Variants in DYNC2LI1 observed in about 807,000 individuals in gnomAD.
DYNC2LI1 encodes cytoplasmic dynein 2 light intermediate chain 1.
DYNC2LI1 carries 45 observed loss-of-function variants against 51.9 expected under a neutral mutation model. The ratio of observed to expected loss-of-function variants is 0.87; its 90% confidence interval spans 0.68 to 1.11. The LOEUF (loss-of-function observed/expected upper bound fraction) is 1.11. Among genes scored for constraint, DYNC2LI1 ranks in the 50% most tolerant of loss-of-function variants. The pLI, the probability that DYNC2LI1 is intolerant of heterozygous loss-of-function variation, is 0.00. For missense variants in DYNC2LI1, 490 were observed against 417.4 expected, an observed-to-expected ratio of 1.17 and a Z score of -1.51; for synonymous variants, 130 against 137.8, an observed-to-expected ratio of 0.94 and a Z score of 0.40.
the DYNC2LI1 span, among the ~76,000 whole-genome samples, chr2:43,815,165 A>G: frequency 6.6e-6 from 1 of 152,234 alleles, no homozygotes; most frequent in Admixed American, 6.5e-5. Context: ...AGGAAAAAGG[A>G]AGGAGAGACC....
At chr2:43,816,680 A>G in the DYNC2LI1 span, among the ~76,000 whole-genome samples, 42 of 152,298 alleles carry the variant, frequency 2.8e-4, no homozygotes, top group African/African-American at 9.9e-4. Context: ...AGTAGCTGAA[A>G]TTACAGGCAC....
At chr2:43,800,745 C>G (rs550878972) in intron 8 of DYNC2LI1, 96 bp from the exon 9 acceptor site, 2 of 603,422 alleles carry the variant, frequency 3.3e-6, no homozygotes, top group Non-Finnish European at 5.6e-6. Context: ...CAGTGATTCT[C>G]TTTGTAATCT....
chr2:43,797,515 C>CT (rs557695536), intron 8 of DYNC2LI1, among the ~76,000 whole-genome samples: 3,189 of 110,660 alleles, frequency 0.029, 53 homozygotes, highest in African/African-American at 0.041. Context: ...AATATAACAA[C>CT]TTTTTTTTTT....
At position 43,809,752 on chromosome 2, in the gene DYNC2LI1, C is replaced by A. The variant is rs374650741; in HGVS notation, c.1041C>A (p.Ile347=). 19 of 1,611,666 alleles carry A rather than the reference C, an allele frequency of 1.2e-5. No homozygotes were observed. Among genetic ancestry groups the A allele is most frequent in the Non-Finnish European group, 1.4e-5 (17 of 1,178,842 alleles). ...KRSSSKSWKQ[I]ELDS ...GTTCTTCCAAGTCTTGGAAACAAATCGAGCTTGATTCTTGAACCTATTTCA... is the reference window on the plus strand; with the variant it reads ...GTTCTTCCAAGTCTTGGAAACAAATAGAGCTTGATTCTTGAACCTATTTCA... Residue 347 remains isoleucine, a synonymous_variant, in exon 13 of 13, where the codon ATC becomes ATA. Coordinates refer to ENST00000260605, the MANE Select transcript of DYNC2LI1 (RefSeq NM_016008.4).
At chr2:43,814,571 G>A (rs1298835170), downstream of DYNC2LI1, 2 of 1,598,242 alleles carry the variant, frequency 1.3e-6, no homozygotes, top group African/African-American at 2.7e-5. Flanking sequence ...TAAAAGGAAT[G>A]GGCATTTCTT....
rs1673100830 is a variant in DYNC2LI1 at position 43,777,954 on chromosome 2, A to G, written c.126+1055A>G. 2.6e-5 allele frequency among the ~76,000 whole-genome samples: 4 copies of G among 152,382 alleles called. No individual in the cohort carries two copies. In the South Asian group the frequency reaches 8.3e-4, roughly 32 times the overall value. On this transcript the variant is annotated intron_variant, in intron 2 of 12. Coordinates refer to ENST00000260605, the MANE Select transcript of DYNC2LI1 (RefSeq NM_016008.4). ...TGATCCCAATTATACAAATACGTAA[A>G]TAAAAAATTCTGATAAAAATTAGAA...
At chr2:43,792,420 G>T (rs1673831819) in intron 5 of DYNC2LI1, among the ~76,000 whole-genome samples, 1 of 151,968 alleles carries the variant, frequency 6.6e-6, no homozygotes, top group Non-Finnish European at 1.5e-5. Flanking sequence ...GGTTATATTG[G>T]ATATAATCCT....
At chr2:43,778,115 T>C (rs924067063) in intron 2 of DYNC2LI1, among the ~76,000 whole-genome samples, 8 of 152,192 alleles carry the variant, frequency 5.3e-5, no homozygotes, top group African/African-American at 1.9e-4. Context: ...TAGAGATCAT[T>C]TATATTTTAA....
chr2:43,802,390 T>C (rs1233037459), intron 10 of DYNC2LI1, among the ~76,000 whole-genome samples: 1 of 151,266 alleles, frequency 6.6e-6, no homozygotes, highest in Non-Finnish European at 1.5e-5. Context: ...TTTTTTTTTT[T>C]GTATTTCCCA....
intron 8 of DYNC2LI1, among the ~76,000 whole-genome samples, chr2:43,798,192 A>G (rs1665954337): frequency 6.6e-6 from 1 of 152,194 alleles, no homozygotes; most frequent in African/African-American, 2.4e-5. Context: ...ACTCAGAGGA[A>G]CCTAGAGACA....
intron 2 of DYNC2LI1, 94 bp from the exon 3 acceptor site, chr2:43,783,425 AT>A: frequency 1.1e-6 from 1 of 942,126 alleles, no homozygotes; most frequent in Non-Finnish European, 1.6e-6. Context: ...CATTCAATTG[AT>A]TAAAAATCTA....
Position 43,809,874 on chromosome 2 carries a change from T to C in DYNC2LI1, c.*107T>C. On this transcript the variant is annotated 3_prime_UTR_variant, in exon 13 of 13. Coordinates refer to ENST00000260605, the MANE Select transcript of DYNC2LI1 (RefSeq NM_016008.4). The stretch of plus-strand genomic sequence containing the variant: ...ATGTGAAGAAAGTTAAACTGTATAA[T>C]TTGTTAAAGGACAAGCTGGATTTCT... 3.4e-6 allele frequency: 5 copies of C among 1,451,006 alleles called. No individual in the cohort carries two copies. The highest frequency in any genetic ancestry group is 4.5e-6 in the Non-Finnish European group (5 of 1,104,106). 89.9% of individuals were successfully genotyped at this position (1,451,006 alleles called of 1,614,324 possible). A position where few individuals can be genotyped will look rare whatever the true frequency, so the allele number is the denominator to read the frequency against.
At chr2:43,778,862 A>G (rs1673145962) in intron 2 of DYNC2LI1, among the ~76,000 whole-genome samples, 1 of 152,154 alleles carries the variant, frequency 6.6e-6, no homozygotes, top group Non-Finnish European at 1.5e-5. Context: ...TGTGGCATAT[A>G]CAAACTGTTT....
chr2:43,785,535 A>T (rs1022216287), intron 3 of DYNC2LI1, among the ~76,000 whole-genome samples: 1 of 151,904 alleles, frequency 6.6e-6, no homozygotes, highest in African/African-American at 2.4e-5. Context: ...GGAGTTCGAG[A>T]TCAGCCTGGC....
intron 12 of DYNC2LI1, among the ~76,000 whole-genome samples, chr2:43,808,637 A>C (rs1458791273): frequency 3.3e-5 from 5 of 152,244 alleles, no homozygotes; most frequent in South Asian, 2.1e-4. Flanking sequence ...TGTAAAGGTA[A>C]GATATACTCC....
At chr2:43,806,265 A>G (rs747452570) in intron 12 of DYNC2LI1, among the ~76,000 whole-genome samples, 1 of 152,146 alleles carries the variant, frequency 6.6e-6, no homozygotes, top group Non-Finnish European at 1.5e-5. Flanking sequence ...CTGTCCTTAT[A>G]TGAGTAAACT....
intron 1 of DYNC2LI1, among the ~76,000 whole-genome samples, chr2:43,776,047 T>C (rs1429498584): frequency 4.0e-5 from 6 of 151,842 alleles, no homozygotes; most frequent in Admixed American, 2.6e-4. Flanking sequence ...TCTTCTTCTT[T>C]TTTTATACTT....
intron 3 of DYNC2LI1, among the ~76,000 whole-genome samples, chr2:43,785,688 T>A (rs1371675640): frequency 6.6e-6 from 1 of 150,766 alleles, no homozygotes; most frequent in Non-Finnish European, 1.5e-5. Flanking sequence ...GACCCAAGAT[T>A]GTGCCACTGC....
At chr2:43,788,347 A>C (rs1028788746) in intron 4 of DYNC2LI1, among the ~76,000 whole-genome samples, 1 of 152,210 alleles carries the variant, frequency 6.6e-6, no homozygotes, top group African/African-American at 2.4e-5. Context: ...TTTATTGACA[A>C]TCTGTCTCTT....
Sources: allele counts gnomAD v4.1 joint callset (sites outside exome capture counted in the v4.1 genomes callset), GRCh38; gene constraint gnomAD v4.1.1; transcripts MANE v1.5; gene names NCBI Gene and HGNC (gene_info 2026-07-23, HGNC 2026-07-21).